Variants in SPPL2A observed in about 807,000 individuals in gnomAD.
SPPL2A encodes the protein signal peptide peptidase like 2A.
SPPL2A carries 51 observed loss-of-function variants against 63.8 expected under a neutral mutation model. The observed-to-expected ratio is 0.80, with a 90% CI of 0.64 to 1.01. The LOEUF (loss-of-function observed/expected upper bound fraction) is 1.01. SPPL2A is among the 50% of genes least tolerant of loss of function. The probability of loss-of-function intolerance (pLI) is 0.00; values close to 1 mark genes in which losing one functional copy is unlikely to be tolerated. For synonymous variants in SPPL2A, 188 were observed against 205.8 expected, an observed-to-expected ratio of 0.91 and a Z score of 0.74; for missense variants, 553 against 622.7, an observed-to-expected ratio of 0.89 and a Z score of 1.19.
chr15:50,727,607 G>A (rs1047889191), intron 10 of SPPL2A, among the ~76,000 whole-genome samples: 2 of 152,172 alleles, frequency 1.3e-5, no homozygotes, highest in African/African-American at 4.8e-5. Context: ...ACTGAGCACA[G>A]TGGTGGACGG....
chr15:50,762,583 T>C (rs1415788116), intron 1 of SPPL2A, among the ~76,000 whole-genome samples: 1 of 152,122 alleles, frequency 6.6e-6, no homozygotes, highest in Non-Finnish European at 1.5e-5. Context: ...AAATGATCTT[T>C]AAGGGCCTTT....
chr15:50,747,886 C>A (rs369758912), intron 4 of SPPL2A: 1 of 460,916 alleles, frequency 2.2e-6, no homozygotes. Context: ...AATGACATGA[C>A]AAGAGATTTT....
Position 50,705,688 on chromosome 15 carries a change from G to A in SPPL2A, c.*2112C>T, listed in dbSNP as rs1031217183. ...TAACTGCATTAAGCAGAGAGGGACT[G>A]ACTGTCAATGAAGCTTCTCTATTTG... On this transcript the variant is annotated 3_prime_UTR_variant, in exon 15 of 15. Transcript: ENST00000261854. The A allele has an allele frequency of 3.9e-5, 6 of 152,138 alleles. No individual in the cohort carries two copies. The highest frequency in any genetic ancestry group is 1.4e-4 in the African/African-American group (6 of 41,452). 9.4% of individuals were successfully genotyped at this position (152,138 alleles called of 1,614,324 possible).
intron 6 of SPPL2A, among the ~76,000 whole-genome samples, 167 bp from the exon 7 acceptor site, chr15:50,736,907 G>GTTTTT (rs35812835): frequency 4.0e-5 from 6 of 150,502 alleles, no homozygotes; most frequent in Non-Finnish European, 7.4e-5. Flanking sequence ...AGATCGTGAG[G>GTTTTT]TTTTTTGTTT....
chr15:50,729,481 A>G (rs2899461), intron 10 of SPPL2A, among the ~76,000 whole-genome samples: 46,334 of 152,026 alleles, frequency 0.3, 7,597 homozygotes, highest in East Asian at 0.57. Flanking sequence ...TTGGCTGGGT[A>G]TAATGGCGTG....
chr15:50,765,353 C>A, intron 1 of SPPL2A, 115 bp downstream of exon 1: 2 of 683,918 alleles, frequency 2.9e-6, no homozygotes, highest in Non-Finnish European at 4.6e-6. Context: ...CGAGAGCAGG[C>A]CGCGGAGGTG....
Position 50,726,364 on chromosome 15 carries a change from A to C in SPPL2A, c.1103T>G (p.Ile368Ser), listed in dbSNP as rs1455036230. ...AGGTCCAGCTGCGAGTTCAACCATG[A>C]TACTCTCACCATTCTAAAATTGAGA... Reference protein sequence around the residue: ...TPFITKNGESIMVELAAGPFG... With the variant: ...TPFITKNGESSMVELAAGPFG... The change falls in exon 11 of 15, where the codon ATC becomes AGC. Residue 368 changes from isoleucine to serine, a missense_variant. Ile to Ser is a moderately radical substitution (Grantham distance 142). Transcript: ENST00000261854. 1 of 1,613,906 alleles carries C rather than the reference A, an allele frequency of 6.2e-7. No homozygotes were observed. Among genetic ancestry groups the C allele is most frequent in the Non-Finnish European group, 8.5e-7 (1 of 1,179,780 alleles).
intron 5 of SPPL2A, among the ~76,000 whole-genome samples, chr15:50,746,999 CCA>C (rs1396178514): frequency 6.6e-6 from 1 of 152,044 alleles, no homozygotes; most frequent in East Asian, 1.9e-4. Context: ...GACAGTAGTA[CCA>C]TTTTAGTTGG....
At chr15:50,736,926 G>C (rs1306957511) in intron 6 of SPPL2A, among the ~76,000 whole-genome samples, 186 bp from the exon 7 acceptor site, 2 of 133,862 alleles carry the variant, frequency 1.5e-5, no homozygotes, top group Non-Finnish European at 3.3e-5. Flanking sequence ...TTTTTTTTCT[G>C]AGAGTCTCAC....
intron 1 of SPPL2A, among the ~76,000 whole-genome samples, chr15:50,754,227 C>A (rs1483783238): frequency 6.6e-6 from 1 of 152,188 alleles, no homozygotes; most frequent in Non-Finnish European, 1.5e-5. Context: ...CAATATCCCA[C>A]AGCAGAGTGG....
chr15:50,751,418 G>A (rs2062905011), intron 1 of SPPL2A, among the ~76,000 whole-genome samples: 1 of 152,148 alleles, frequency 6.6e-6, no homozygotes, highest in Non-Finnish European at 1.5e-5. Context: ...TCTAGCTAAA[G>A]AAGATAATCC....
chr15:50,750,678 T>C (rs1330786026), intron 1 of SPPL2A, among the ~76,000 whole-genome samples: 1 of 152,188 alleles, frequency 6.6e-6, no homozygotes, highest in Non-Finnish European at 1.5e-5. Flanking sequence ...TTGGAAAGAA[T>C]AACTATTGTA....
At chr15:50,748,597 C>T in intron 3 of SPPL2A, 91 bp downstream of exon 3, 1 of 810,560 alleles carries the variant, frequency 1.2e-6, no homozygotes, top group Non-Finnish European at 1.9e-6. Flanking sequence ...CAAAACTCAG[C>T]CTCTAAACCA....
At chr15:50,738,216 G>A (rs148302392) in intron 6 of SPPL2A, among the ~76,000 whole-genome samples, 2 of 151,386 alleles carry the variant, frequency 1.3e-5, no homozygotes, top group East Asian at 3.9e-4. Flanking sequence ...CATAGGTCTA[G>A]TTTTTAAACT....
chr15:50,735,535 A>G (rs2062763356), intron 8 of SPPL2A, among the ~76,000 whole-genome samples: 1 of 122,474 alleles, frequency 8.2e-6, no homozygotes, highest in African/African-American at 3.0e-5. Context: ...ACACACACAC[A>G]TATATACATA....
chr15:50,755,321 A>C (rs1017226015), intron 1 of SPPL2A, among the ~76,000 whole-genome samples: 3 of 151,716 alleles, frequency 2.0e-5, no homozygotes, highest in Non-Finnish European at 4.4e-5. Flanking sequence ...CTGTCTCAAA[A>C]AAAAAAAAAG....
At chr15:50,739,628 C>T in intron 6 of SPPL2A, 52 bp downstream of exon 6, 1 of 1,251,348 alleles carries the variant, frequency 8.0e-7, no homozygotes. Context: ...TAGTAATAGT[C>T]AGTGAAAAGA....
chr15:50,739,772 TCTTC>T lies in SPPL2A; in HGVS notation c.637_640del (p.Glu213AsnfsTer3), dbSNP rs765966499. The T allele has an allele frequency of 6.2e-7, 1 of 1,604,942 alleles. No individual in the cohort carries two copies. On this transcript the variant is annotated frameshift_variant, in exon 6 of 15. Transcript: ENST00000261854. LOFTEE classifies it high-confidence loss of function. ...TGTAAGAGGACTAAAAGTTAAATATTCTTCCTTCTTTTTCCTCATTTCTCTATCT... is the reference window on the plus strand; with the variant it reads ...TGTAAGAGGACTAAAAGTTAAATATTCTTCTTTTTCCTCATTTCTCTATCT...
Position 50,722,214 on chromosome 15 carries a change from A to G in SPPL2A, c.1250-13T>C, listed in dbSNP as rs778820636. The G allele has an allele frequency of 1.8e-5, 27 of 1,495,782 alleles. No individual in the cohort carries two copies. In the African/African-American group the frequency reaches 2.5e-4, roughly 14 times the overall value. The allele number at this position is 1,495,782 out of a possible 1,614,324, so 92.7% of individuals were successfully genotyped here. A position where few individuals can be genotyped will look rare whatever the true frequency, so the allele number is the denominator to read the frequency against. ...GCAATCAACAGGCCTTAAAAACAAAACAAAACATTATTTTCTTAAAACAAT... is the reference window on the plus strand; with the variant it reads ...GCAATCAACAGGCCTTAAAAACAAAGCAAAACATTATTTTCTTAAAACAAT... On this transcript the variant is annotated splice_polypyrimidine_tract_variant and intron_variant, in intron 12 of 14. Transcript: ENST00000261854.
Sources: allele counts gnomAD v4.1 joint callset (sites outside exome capture counted in the v4.1 genomes callset), GRCh38; gene constraint gnomAD v4.1.1; transcripts MANE v1.5; gene names NCBI Gene and HGNC (gene_info 2026-07-23, HGNC 2026-07-21).